The following DLG2 variants were observed in gnomAD, a reference collection of about 807,000 sequenced individuals.
DLG2 encodes disks large homolog 2.
DLG2 carries 45 observed loss-of-function variants against 132.5 expected under a neutral mutation model. That is an observed-to-expected ratio of 0.34 (90% confidence interval 0.27 to 0.44). The LOEUF (loss-of-function observed/expected upper bound fraction) is 0.44, where lower values mean the gene tolerates loss of function less well. Ranked by LOEUF, DLG2 falls within the 20% of genes least tolerant of loss-of-function variation. The pLI is 1.00. For missense variants in DLG2, 1,045 were observed against 1,196.9 expected (o/e 0.87, Z 1.87); for synonymous variants, 424 against 419.6 (o/e 1.01, Z -0.13).
intron 8 of DLG2, among the ~76,000 whole-genome samples, chr11:84,228,246 C>T (rs1335050001): frequency 2.0e-5 from 3 of 152,144 alleles, no homozygotes; most frequent in Non-Finnish European, 4.4e-5. Context: ...TGGTTAGAGT[C>T]AATCATGGCT....
intron 19 of DLG2, among the ~76,000 whole-genome samples, chr11:83,627,779 G>A (rs2062849321): frequency 6.6e-6 from 1 of 152,144 alleles, no homozygotes; most frequent in Non-Finnish European, 1.5e-5. Context: ...GATCCCTGAG[G>A]AATCGCCACA....
intron 3 of DLG2, among the ~76,000 whole-genome samples, chr11:85,498,875 A>G (rs1342257973): frequency 6.6e-6 from 1 of 152,218 alleles, no homozygotes; most frequent in African/African-American, 2.4e-5. Flanking sequence ...AGAAATAAAG[A>G]TGGTCTTTGA....
chr11:85,008,941 G>A (rs1429735837), intron 6 of DLG2, among the ~76,000 whole-genome samples: 1 of 152,082 alleles, frequency 6.6e-6, no homozygotes. Context: ...GTGGAGCAGA[G>A]ATTTGAGTTT....
intron 19 of DLG2, among the ~76,000 whole-genome samples, chr11:83,625,308 G>A (rs564948638): frequency 2.4e-4 from 37 of 152,316 alleles, no homozygotes; most frequent in African/African-American, 8.7e-4. Context: ...CCATCGCCAA[G>A]TGAAGCTGGA....
chr11:83,602,318 C>T (rs1019925263), intron 19 of DLG2, among the ~76,000 whole-genome samples: 5 of 152,168 alleles, frequency 3.3e-5, no homozygotes, highest in African/African-American at 1.2e-4. Flanking sequence ...AATGCATGTG[C>T]GTTCATACAG....
intron 7 of DLG2, among the ~76,000 whole-genome samples, chr11:84,430,147 G>A (rs909534482): frequency 2.0e-5 from 3 of 152,092 alleles, no homozygotes; most frequent in African/African-American, 7.2e-5. Flanking sequence ...TCTATGAAAT[G>A]CAGCTAATAG....
chr11:84,866,514 A>T (rs1237582639), intron 6 of DLG2, among the ~76,000 whole-genome samples: 2 of 152,174 alleles, frequency 1.3e-5, no homozygotes, highest in African/African-American at 4.8e-5. Flanking sequence ...AATCCCTCTC[A>T]ATCTGCAGAT....
intron 6 of DLG2, chr11:84,640,121 A>G: frequency 3.2e-6 from 1 of 312,300 alleles, no homozygotes. Flanking sequence ...ATATCAATGT[A>G]GAACTCAGTC....
intron 6 of DLG2, among the ~76,000 whole-genome samples, chr11:84,811,415 G>A (rs1265469386): frequency 6.6e-6 from 1 of 152,156 alleles, no homozygotes; most frequent in Non-Finnish European, 1.5e-5. Flanking sequence ...GGTGCATTCT[G>A]CCTTCATTAT....
At chr11:85,518,585 T>A (rs1352717253) in intron 3 of DLG2, among the ~76,000 whole-genome samples, 1 of 152,088 alleles carries the variant, frequency 6.6e-6, no homozygotes, top group Non-Finnish European at 1.5e-5. Context: ...GTTTGGAAAA[T>A]TTGCAGCCTG....
In DLG2 at chr11:84,905,953, G is replaced by A. The variant is rs373866530; in HGVS notation, c.357+205708C>T. On this transcript the variant is annotated intron_variant, in intron 6 of 27. Coordinates refer to ENST00000376104, the MANE Select transcript of DLG2 (RefSeq NM_001142699.3). The stretch of plus-strand genomic sequence containing the variant: ...CACTTCCAGATTGTCTAAAGTATAA[G>A]CAAATCACACCAATGATTAAAAATG... Among the ~76,000 whole-genome samples, 5 of 152,086 alleles carry A rather than the reference G, an allele frequency of 3.3e-5. No homozygotes were observed. The East Asian group carries it at 7.7e-4, about 23-fold the overall frequency.
At chr11:84,363,490 G>T (rs1351444253) in intron 7 of DLG2, among the ~76,000 whole-genome samples, 1 of 151,932 alleles carries the variant, frequency 6.6e-6, no homozygotes, top group East Asian at 1.9e-4. Flanking sequence ...AGTTTCTTTT[G>T]CTGTGCAGAA....
intron 10 of DLG2, among the ~76,000 whole-genome samples, chr11:84,094,286 G>A (rs2097136921): frequency 6.6e-6 from 1 of 152,096 alleles, no homozygotes; most frequent in Non-Finnish European, 1.5e-5. Flanking sequence ...CACTTTAAAT[G>A]AGCTAATGTG....
intron 7 of DLG2, among the ~76,000 whole-genome samples, chr11:84,346,312 C>T (rs1007449091): frequency 1.3e-5 from 2 of 152,172 alleles, no homozygotes. Flanking sequence ...TTCACTCTAG[C>T]CTATAAGCGC....
chr11:83,793,004 T>G lies in DLG2; in HGVS notation c.1723-6212A>C, dbSNP rs28403435. On this transcript the variant is annotated intron_variant, in intron 17 of 27. Transcript: ENST00000376104. The stretch of plus-strand genomic sequence containing the variant: ...TCTGATAGGTAAACAATTTTATTTT[T>G]AAATTTTGTGTTTCTTCAATTATAA... Among the ~76,000 whole-genome samples, 1,050 of 152,314 alleles carry G rather than the reference T, an allele frequency of 6.9e-3. 14 individuals carry two copies. Among genetic ancestry groups the G allele is most frequent in the African/African-American group, 0.023 (951 of 41,586 alleles).
chr11:83,568,993 G>A (rs770902361), intron 19 of DLG2, among the ~76,000 whole-genome samples: 1 of 152,124 alleles, frequency 6.6e-6, no homozygotes, highest in East Asian at 1.9e-4. Flanking sequence ...AAATCAGAAA[G>A]AGTTAAATTA....
At chr11:84,797,603 T>G (rs77906939) in intron 6 of DLG2, among the ~76,000 whole-genome samples, 11,984 of 152,314 alleles carry the variant, frequency 0.079, 608 homozygotes, top group Non-Finnish European at 0.12. Context: ...GTTAAGTTTG[T>G]CTAATAGGAT....
At chr11:84,604,669 T>C (rs2099582334) in intron 6 of DLG2, among the ~76,000 whole-genome samples, 1 of 151,898 alleles carries the variant, frequency 6.6e-6, no homozygotes, top group African/African-American at 2.4e-5. Flanking sequence ...TACAATGGAC[T>C]GAAAATAGGA....
intron 7 of DLG2, among the ~76,000 whole-genome samples, chr11:84,468,507 A>G (rs2099100526): frequency 6.6e-6 from 1 of 151,496 alleles, no homozygotes; most frequent in Non-Finnish European, 1.5e-5. Flanking sequence ...ACACCAGTTG[A>G]GGACTCCAAA....
Sources: gnomAD v4.1 joint callset for allele counts (sites outside exome capture counted in the v4.1 genomes callset) on GRCh38, gnomAD v4.1.1 for gene constraint, MANE v1.5 for transcripts, NCBI Gene and HGNC (gene_info 2026-07-23, HGNC 2026-07-21) for gene names.